Variants in SEC61A1 observed in about 807,000 individuals in gnomAD.
SEC61A1 encodes SEC61 translocon subunit alpha 1.
SEC61A1 carries 15 observed loss-of-function variants against 55.2 expected under a neutral mutation model. The ratio of observed to expected loss-of-function variants is 0.27; its 90% CI spans 0.18 to 0.42. The LOEUF (loss-of-function observed/expected upper bound fraction) is 0.42. Ranked by LOEUF, SEC61A1 falls within the 10% of genes least tolerant of loss-of-function variation. SEC61A1 has a pLI of 1.00. For synonymous variants in SEC61A1, 247 were observed against 234.0 expected (o/e 1.06, Z -0.51); for missense variants, 284 against 602.6 (o/e 0.47, Z 5.53).
chr3:128,054,625 T>G (rs1357895186), intron 2 of SEC61A1, among the ~76,000 whole-genome samples: 2 of 92,862 alleles, frequency 2.2e-5, no homozygotes, highest in Non-Finnish European at 4.6e-5. Flanking sequence ...CCTAGAAGTG[T>G]TTTTAAAGAA....
chr3:128,054,718 T>C (rs1941746407), intron 2 of SEC61A1, among the ~76,000 whole-genome samples: 2 of 152,226 alleles, frequency 1.3e-5, no homozygotes, highest in South Asian at 4.1e-4. Flanking sequence ...AATTAATGTT[T>C]GTTAAGCCCT....
chr3:128,062,422 C>T (rs1941864909), intron 7 of SEC61A1, among the ~76,000 whole-genome samples: 2 of 152,212 alleles, frequency 1.3e-5, no homozygotes, highest in African/African-American at 4.8e-5. Context: ...TGCTGCTTCC[C>T]TGGGCAGCAG....
At chr3:128,065,464 CTT>C (rs1341430616) in intron 8 of SEC61A1, among the ~76,000 whole-genome samples, 1 of 152,164 alleles carries the variant, frequency 6.6e-6, no homozygotes, top group African/African-American at 2.4e-5. Context: ...TATTCCATCT[CTT>C]AAACTTGCTT....
intron 8 of SEC61A1, 79 bp downstream of exon 8, chr3:128,065,116 CTG>C: frequency 7.3e-7 from 1 of 1,367,664 alleles, no homozygotes. Flanking sequence ...GTCCCCCACT[CTG>C]TGGGGTGCAC....
chr3:128,069,605 T>C lies in SEC61A1; in HGVS notation c.1374T>C (p.Phe458=). ...CAGTCACAATCATCTACCAGTACTT[T>C]GAGATCTTCGTTAAGGAGCAAAGCG... The part of the protein sequence containing the change: ...LLAVTIIYQY[F]EIFVKEQSEV... The change falls in exon 12 of 12, where the codon TTT becomes TTC. Residue 458 remains phenylalanine (F), a synonymous_variant. Transcript: ENST00000243253. 6 of 1,613,852 alleles carry C rather than the reference T, an allele frequency of 3.7e-6. No individual in the cohort carries two copies. Among genetic ancestry groups the C allele is most frequent in the Non-Finnish European group, 5.1e-6 (6 of 1,179,774 alleles).
Position 128,069,690 on chromosome 3 carries a change from C to A in SEC61A1, c.*28C>A. 6.2e-7 allele frequency: 1 copy of A among 1,606,718 alleles called. No individual in the cohort carries two copies. Among genetic ancestry groups the A allele is most frequent in the South Asian group, 1.1e-5 (1 of 90,784 alleles). On this transcript the variant is annotated 3_prime_UTR_variant, in exon 12 of 12. Transcript: ENST00000243253. ...CCGTCTCCCGGACAGGTTGAGGAAG[C>A]TGCTCCAGAAGCGCCTCGGAAGGGG... is the stretch of plus-strand genomic sequence containing the variant.
intron 5 of SEC61A1, among the ~76,000 whole-genome samples, chr3:128,057,245 C>T (rs1941786183): frequency 6.6e-6 from 1 of 152,178 alleles, no homozygotes; most frequent in Non-Finnish European, 1.5e-5. Flanking sequence ...ACAGTATTTT[C>T]TTTTGTGCTG....
At position 128,060,547 on chromosome 3, in the gene SEC61A1, C is replaced by G; in HGVS notation, c.502C>G (p.Leu168Val). The G allele has an allele frequency of 6.2e-7, 1 of 1,614,122 alleles. No homozygotes were observed. Among genetic ancestry groups the G allele is most frequent in the Non-Finnish European group, 8.5e-7 (1 of 1,179,994 alleles). ...AGLIVLLLDE[L>V]LQKGYGLGSG... ...CTTAATTGTCCTACTTTTGGATGAA[C>G]TCCTGCAAAAAGGATATGGCCTTGG... Residue 168 changes from leucine (L) to valine (V), a missense_variant, in exon 7 of 12, where the codon CTC becomes GTC. Transcript: ENST00000243253.
In SEC61A1 at chr3:128,056,725, A is replaced by G. The variant is rs2107642210; in HGVS notation, c.237A>G (p.Leu79=). ...TTCCTCAAGGCACATTGATGGAGCT[A>G]GGGATCTCTCCTATTGTCACGTCTG... The part of the protein sequence containing the change: ...LASNRGTLME[L]GISPIVTSGL... The change falls in exon 5 of 12, where the codon CTA becomes CTG. Residue 79 remains leucine, a synonymous_variant. Coordinates refer to ENST00000243253, the MANE Select transcript of SEC61A1 (RefSeq NM_013336.4). 6.3e-7 allele frequency: 1 copy of G among 1,594,304 alleles called. No individual in the cohort carries two copies. The highest frequency in any genetic ancestry group is 2.3e-5 in the East Asian group (1 of 44,382).
At chr3:128,065,161 T>C in intron 8 of SEC61A1, 124 bp downstream of exon 8, 1 of 1,098,900 alleles carries the variant, frequency 9.1e-7, no homozygotes, top group Non-Finnish European at 1.4e-6. Flanking sequence ...GATGAGATGG[T>C]ATTTGAAGGC....
At chr3:128,064,439 G>A (rs1033353362) in intron 7 of SEC61A1, among the ~76,000 whole-genome samples, 4 of 151,924 alleles carry the variant, frequency 2.6e-5, no homozygotes, top group Non-Finnish European at 5.9e-5. Flanking sequence ...TCAGGAGTTC[G>A]AGACCAGACT....
Position 128,071,265 on chromosome 3 carries a change from A to C in SEC61A1, c.*1603A>C, listed in dbSNP as rs1306633639. On this transcript the variant is annotated 3_prime_UTR_variant, in exon 12 of 12. Coordinates refer to ENST00000243253, the MANE Select transcript of SEC61A1 (RefSeq NM_013336.4). ...CATATGGCCCAGGGCTTACCACCCT[A>C]TCACACGTGGCCTTGTCTAGACCCA... is the stretch of plus-strand genomic sequence containing the variant. The C allele has an allele frequency of 6.6e-5, 10 of 152,500 alleles. No individual in the cohort carries two copies. The highest frequency in any genetic ancestry group is 6.5e-4 in the Admixed American group (10 of 15,294). The allele number at this position is 152,500 out of a possible 1,614,324, so 9.4% of individuals were successfully genotyped here. A position where few individuals can be genotyped will look rare whatever the true frequency, so the allele number is the denominator to read the frequency against.
chr3:128,059,937 T>C (rs1222408857), intron 5 of SEC61A1, among the ~76,000 whole-genome samples, 165 bp from the exon 6 acceptor site: 1 of 152,224 alleles, frequency 6.6e-6, no homozygotes, highest in Non-Finnish European at 1.5e-5. Flanking sequence ...TGTACTTTGC[T>C]GATGTGATGG....
chr3:128,052,099 C>A (rs866028927), upstream of SEC61A1, among the ~76,000 whole-genome samples: 7 of 152,320 alleles, frequency 4.6e-5, no homozygotes, highest in South Asian at 8.3e-4. Context: ...CCTGCAGGGC[C>A]ACGCGCGCAC....
At position 128,067,844 on chromosome 3, in the gene SEC61A1, C is replaced by A; in HGVS notation, c.1168-139C>A. The A allele has an allele frequency of 1.3e-6, 1 of 760,366 alleles. No homozygotes were observed. Among genetic ancestry groups the A allele is most frequent in the Admixed American group, 2.2e-5 (1 of 46,324 alleles). 47.1% of individuals were successfully genotyped at this position (760,366 alleles called of 1,614,324 possible). A position where few individuals can be genotyped will look rare whatever the true frequency, so the allele number is the denominator to read the frequency against. ...AAAGTTAGACTTTTTCATATGACTT[C>A]CTTGCGGCAGTTTTAAAGTTCTCTG... On this transcript the variant is annotated intron_variant, in intron 10 of 11. Transcript: ENST00000243253. The surrounding 1 kb of genome is among the most constrained non-coding windows in gnomAD (Gnocchi z 4.1).
Position 128,069,587 on chromosome 3 carries a change from A to C in SEC61A1, c.1356A>C (p.Thr452=). 1 of 1,614,106 alleles carries C rather than the reference A, an allele frequency of 6.2e-7. No homozygotes were observed. Among genetic ancestry groups the C allele is most frequent in the Non-Finnish European group, 8.5e-7 (1 of 1,180,014 alleles). ...GAACCGGGATCCTGCTCGCAGTCAC[A>C]ATCATCTACCAGTACTTTGAGATCT... ...GSGTGILLAV[T]IIYQYFEIFV... Residue 452 remains threonine, a synonymous_variant, in exon 12 of 12, where the codon ACA becomes ACC. Coordinates refer to ENST00000243253, the MANE Select transcript of SEC61A1 (RefSeq NM_013336.4).
chr3:128,066,024 G>A (rs1282862393), intron 8 of SEC61A1, among the ~76,000 whole-genome samples: 1 of 152,028 alleles, frequency 6.6e-6, no homozygotes, highest in Non-Finnish European at 1.5e-5. Flanking sequence ...TTACAGGCGT[G>A]AGCCACCGCA....
chr3:128,051,935 ACTC>A, upstream of SEC61A1: 1 of 1,511,480 alleles, frequency 6.6e-7, no homozygotes, highest in East Asian at 2.5e-5. Context: ...CCCGCGCCCT[ACTC>A]AGCAGGTAAT....
intron 5 of SEC61A1, among the ~76,000 whole-genome samples, chr3:128,057,629 G>A (rs187320598): frequency 6.6e-5 from 10 of 152,258 alleles, no homozygotes; most frequent in Admixed American, 1.3e-4. Flanking sequence ...AGGCTGAGGC[G>A]GGCGGATCAT....
Sources: allele counts gnomAD v4.1 joint callset (sites outside exome capture counted in the v4.1 genomes callset), GRCh38; gene constraint gnomAD v4.1.1; non-coding constraint Gnocchi (gnomAD v3.1); transcripts MANE v1.5; gene names NCBI Gene and HGNC (gene_info 2026-07-23, HGNC 2026-07-21).